Variants in TEX11 observed in about 807,000 individuals in gnomAD.
TEX11 encodes the protein testis expressed 11, also known as testis-expressed protein 11.
In TEX11, 7 loss-of-function variants were observed where a neutral mutation model predicts 84.4. That is an observed-to-expected ratio of 0.08 (90% CI 0.05 to 0.16). TEX11 has a LOEUF of 0.16. Ranked by LOEUF, TEX11 falls within the 10% of genes least tolerant of loss-of-function variation. The pLI, the probability that TEX11 is intolerant of heterozygous loss-of-function variation, is 1.00. For synonymous variants in TEX11, 264 were observed against 222.8 expected (o/e 1.18, Z -1.64); for missense variants, 551 against 660.5 (o/e 0.83, Z 1.82).
Position 70,675,456 on chromosome X carries a change from C to T in TEX11, c.1242+3348G>A, listed in dbSNP as rs188344239. ...CTGCAACCAATCTCCAGAACTTTTT[C>T]ATCTAGTAAAACTGAAACTCTATAC... On this transcript the variant is annotated intron_variant, in intron 15 of 29. Transcript: ENST00000374333. Among the ~76,000 whole-genome samples, 264 of 111,689 alleles carry T rather than the reference C, an allele frequency of 2.4e-3. 2 individuals carry two copies. Among genetic ancestry groups the T allele is most frequent in the African/African-American group, 8.0e-3 (245 of 30,749 alleles).
intron 22 of TEX11, 125 bp downstream of exon 22, chrX:70,608,966 T>C: frequency 2.0e-6 from 1 of 502,199 alleles, no homozygotes; most frequent in South Asian, 4.4e-5. Flanking sequence ...TTATAAGTAA[T>C]AAAACAGATT....
intron 18 of TEX11, among the ~76,000 whole-genome samples, chrX:70,628,815 A>G (rs1049340618): frequency 1.8e-5 from 2 of 112,389 alleles, no homozygotes; most frequent in African/African-American, 6.5e-5. Context: ...GAAACCCAAA[A>G]GCAATTATCT....
At chrX:70,608,753 A>AT in intron 22 of TEX11, among the ~76,000 whole-genome samples, 1 of 109,454 alleles carries the variant, frequency 9.1e-6, no homozygotes, top group African/African-American at 3.3e-5. Flanking sequence ...AAAAAAAAAA[A>AT]AAAAAATTAA....
intron 21 of TEX11, among the ~76,000 whole-genome samples, chrX:70,610,205 AG>A (rs1322144756): frequency 3.3e-4 from 22 of 65,948 alleles, no homozygotes; most frequent in Non-Finnish European, 5.8e-4. Context: ...GAAGGAAGGA[AG>A]GAAGAGAGGG....
intron 24 of TEX11, among the ~76,000 whole-genome samples, chrX:70,602,503 C>T (rs1470171662): frequency 1.1e-4 from 12 of 104,428 alleles, no homozygotes; most frequent in Admixed American, 3.1e-4. Context: ...ATTCAACAAC[C>T]CTTCATGCTA....
At chrX:70,709,240 T>G (rs2090404637) in intron 13 of TEX11, among the ~76,000 whole-genome samples, 2 of 111,516 alleles carry the variant, frequency 1.8e-5, no homozygotes, top group African/African-American at 6.5e-5. Context: ...GCTCAGATAG[T>G]GGCTGTTACA....
intron 9 of TEX11, among the ~76,000 whole-genome samples, chrX:70,780,325 G>T (rs2091030236): frequency 8.9e-6 from 1 of 112,537 alleles, no homozygotes; most frequent in Non-Finnish European, 1.9e-5. Flanking sequence ...AATAAGGAAT[G>T]CCAGGTTTTC....
chrX:70,752,826 T>C lies in TEX11; in HGVS notation c.693-8607A>G, dbSNP rs775106264. Reference sequence around the variant, plus strand: ...CACTAAAGAGGTAGAAAAACAGTCTTGAATCGCAGAAGCCACCCTTTTCCC... The same window carrying C: ...CACTAAAGAGGTAGAAAAACAGTCTCGAATCGCAGAAGCCACCCTTTTCCC... On this transcript the variant is annotated intron_variant, in intron 9 of 29. Coordinates refer to ENST00000374333, the MANE Select transcript of TEX11 (RefSeq NM_031276.3). Among the ~76,000 whole-genome samples, 8 of 110,631 alleles carry C rather than the reference T, an allele frequency of 7.2e-5. No individual in the cohort carries two copies. The South Asian group carries it at 2.0e-3, about 27-fold the overall frequency.
chrX:70,768,732 C>G (rs1019476424), intron 9 of TEX11, among the ~76,000 whole-genome samples: 1 of 111,435 alleles, frequency 9.0e-6, no homozygotes, highest in African/African-American at 3.3e-5. Context: ...GATTACAATT[C>G]GAGATGAGAG....
intron 28 of TEX11, among the ~76,000 whole-genome samples, chrX:70,550,856 A>T (rs1348649177): frequency 9.0e-6 from 1 of 111,658 alleles, no homozygotes; most frequent in Non-Finnish European, 1.9e-5. Flanking sequence ...TCCTCAAAAT[A>T]CGAAAAATTG....
At chrX:70,897,080 C>T (rs1316911288) in intron 2 of TEX11, among the ~76,000 whole-genome samples, 2 of 69,276 alleles carry the variant, frequency 2.9e-5, no homozygotes, top group South Asian at 8.0e-4. Flanking sequence ...TGTAGTGAGC[C>T]GAGATCACGA....
chrX:70,634,847 G>T (rs1161000944), intron 17 of TEX11, among the ~76,000 whole-genome samples: 1 of 112,180 alleles, frequency 8.9e-6, no homozygotes, highest in Non-Finnish European at 1.9e-5. Context: ...CTGTCACCTT[G>T]CAGTAGGCAA....
chrX:70,646,061 A>T (rs1256308623), intron 17 of TEX11, among the ~76,000 whole-genome samples: 2 of 112,073 alleles, frequency 1.8e-5, no homozygotes, highest in Non-Finnish European at 3.8e-5. Context: ...TGGTATTGGC[A>T]GAAAAACAGA....
rs1404671794 is a variant in TEX11, at chrX:70,591,777, T to A, written c.2114A>T (p.Asp705Val). The change falls in exon 25 of 30, where the codon GAC becomes GTC. Residue 705 changes from aspartate to valine, a missense_variant. Physicochemically the swap from Asp to Val is radical, Grantham distance 152. Coordinates refer to ENST00000374333, the MANE Select transcript of TEX11 (RefSeq NM_031276.3). The stretch of plus-strand genomic sequence containing the variant: ...TGTTTGTTTCAGGAAATTATGGATG[T>A]CATTGCATGTCTGGATCTCCTCAAG... ...RALEEIQTCN[D>V]IHNFLKQTGT... 3 of 1,208,282 alleles carry A rather than the reference T, an allele frequency of 2.5e-6. No individual in the cohort carries two copies. Among genetic ancestry groups the A allele is most frequent in the Non-Finnish European group, 3.4e-6 (3 of 893,966 alleles).
intron 20 of TEX11, among the ~76,000 whole-genome samples, chrX:70,617,627 G>C (rs1365056327): frequency 9.1e-6 from 1 of 110,154 alleles, no homozygotes; most frequent in East Asian, 2.8e-4. Flanking sequence ...TAAATAATGT[G>C]TATACATGGA....
At chrX:70,803,913 C>A (rs552840257) in intron 9 of TEX11, among the ~76,000 whole-genome samples, 1 of 111,515 alleles carries the variant, frequency 9.0e-6, no homozygotes, top group Admixed American at 9.6e-5. Context: ...GGGAAGCTGA[C>A]GTGGGAGGAT....
At chrX:70,591,947 TTAAAC>T (rs1305437210) in intron 24 of TEX11, 124 bp from the exon 25 acceptor site, 3 of 461,570 alleles carry the variant, frequency 6.5e-6, no homozygotes, top group African/African-American at 4.8e-5. Flanking sequence ...AAATGATAGT[TTAAAC>T]TGAACATTTT....
Position 70,625,846 on chromosome X carries a change from C to T in TEX11, c.1609-922G>A, listed in dbSNP as rs184566837. On this transcript the variant is annotated intron_variant, in intron 18 of 29. Transcript: ENST00000374333. Reference sequence around the variant, plus strand: ...TGAAGCAACCTCTGCTTCCTGGGTTCAAGCGATTCTCCTGCCTCAGCCTCC... The same window carrying T: ...TGAAGCAACCTCTGCTTCCTGGGTTTAAGCGATTCTCCTGCCTCAGCCTCC... Among the ~76,000 whole-genome samples, 84 of 105,634 alleles carry T rather than the reference C, an allele frequency of 8.0e-4. 2 individuals carry two copies. Among genetic ancestry groups the T allele is most frequent in the East Asian group, 5.4e-3 (18 of 3,352 alleles). The allele number at this position is 105,634 out of a possible 115,157, so 91.7% of individuals were successfully genotyped here. A position where few individuals can be genotyped will look rare whatever the true frequency, so the allele number is the denominator to read the frequency against.
Position 70,632,908 on chromosome X carries a change from A to G in TEX11, c.1484-3173T>C, listed in dbSNP as rs1386833317. 5.4e-5 allele frequency among the ~76,000 whole-genome samples: 6 copies of G among 112,118 alleles called. No homozygotes were observed. In the East Asian group the frequency reaches 1.7e-3, roughly 31 times the overall value. On this transcript the variant is annotated intron_variant, in intron 17 of 29. Coordinates refer to ENST00000374333, the MANE Select transcript of TEX11 (RefSeq NM_031276.3). ...TTGAATAGCCCTATATCTATTAAAG[A>G]CATTTAATTTATAATTAAAAACCTT...
Sources: gnomAD v4.1 joint callset for allele counts (sites outside exome capture counted in the v4.1 genomes callset) on GRCh38, gnomAD v4.1.1 for gene constraint, MANE v1.5 for transcripts, NCBI Gene and HGNC (gene_info 2026-07-23, HGNC 2026-07-21) for gene names.